The following RABGAP1L variants were observed in gnomAD, a reference collection of about 807,000 sequenced individuals.
RABGAP1L encodes the protein rab GTPase-activating protein 1-like.
Under a neutral mutation model 137.7 loss-of-function variants are expected in RABGAP1L, and 63 were observed. The ratio of observed to expected loss-of-function variants is 0.46; its 90% CI spans 0.37 to 0.56. The LOEUF is 0.56. Ranked by LOEUF, RABGAP1L falls within the 20% of genes least tolerant of loss-of-function variation. RABGAP1L has a pLI of 0.00. For missense variants in RABGAP1L, 1,095 were observed against 1,244.0 expected (o/e 0.88, Z 1.80); for synonymous variants, 431 against 433.7 (o/e 0.99, Z 0.08).
chr1:174,959,543 A>G (rs1668901303), intron 20 of RABGAP1L, among the ~76,000 whole-genome samples: 1 of 152,184 alleles, frequency 6.6e-6, no homozygotes, highest in Non-Finnish European at 1.5e-5. Flanking sequence ...ATCAATATGT[A>G]TAGTTTTTAT....
chr1:174,235,232 C>T (rs1225303106), intron 4 of RABGAP1L, among the ~76,000 whole-genome samples: 1 of 144,910 alleles, frequency 6.9e-6, no homozygotes, highest in Non-Finnish European at 1.5e-5. Flanking sequence ...ATTTGACTTC[C>T]TCTTTTCCTA....
In RABGAP1L at chr1:174,278,639, G is replaced by T. The variant is rs1675219906; in HGVS notation, c.1183G>T (p.Val395Leu). 1.2e-6 allele frequency: 2 copies of T among 1,613,040 alleles called. No individual in the cohort carries two copies. The highest frequency in any genetic ancestry group is 2.2e-5 in the South Asian group (2 of 91,006). ...KDKQVYMTVA[V>L]DMVVTEVVEP... is the part of the protein sequence containing the mutation. Reference sequence around the variant, plus strand: ...TAAGCAAGTATACATGACTGTGGCAGTGGATATGGTAGTCACAGAGGTGGT... The same window carrying T: ...TAAGCAAGTATACATGACTGTGGCATTGGATATGGTAGTCACAGAGGTGGT... The change falls in exon 10 of 26, where the codon GTG becomes TTG. Residue 395 changes from valine to leucine, a missense_variant. Physicochemically the swap from Val to Leu is conservative, Grantham distance 32. Around this residue, in one of 4 missense-constraint regions of RABGAP1L, gnomAD observed 112 missense variants for 157.3 expected, o/e 0.71. Transcript: ENST00000681986.
At chr1:174,168,425 T>A (rs1190253574) in intron 1 of RABGAP1L, among the ~76,000 whole-genome samples, 1 of 152,172 alleles carries the variant, frequency 6.6e-6, no homozygotes, top group Admixed American at 6.6e-5. Context: ...AGCAGCTGTT[T>A]TATCACCAGA....
chr1:174,295,620 G>GT (rs1329768342), intron 10 of RABGAP1L, among the ~76,000 whole-genome samples: 2 of 150,960 alleles, frequency 1.3e-5, no homozygotes, highest in Non-Finnish European at 3.0e-5. Context: ...TCCTGACATT[G>GT]TGATGCACCT....
chr1:174,519,933 T>C (rs528562720), intron 13 of RABGAP1L, among the ~76,000 whole-genome samples: 6 of 152,338 alleles, frequency 3.9e-5, no homozygotes, highest in Non-Finnish European at 7.3e-5. Context: ...AGCAGTTAAT[T>C]ATAGTAGTAC....
chr1:174,952,548 A>C lies in RABGAP1L; in HGVS notation c.2341-4909A>C, dbSNP rs115393915. On this transcript the variant is annotated intron_variant, in intron 19 of 25. Coordinates refer to ENST00000681986, the MANE Select transcript of RABGAP1L (RefSeq NM_001366446.1). ...ATGATGATTGAGTTTGATAATCAGG[A>C]AACTTAACCAAATCTTATATGTAAG... Among the ~76,000 whole-genome samples the C allele has an allele frequency of 9.5e-3, 1,441 of 152,034 alleles. 24 individuals carry two copies. The highest frequency in any genetic ancestry group is 0.033 in the African/African-American group (1,381 of 41,458).
chr1:174,773,049 T>C (rs1186378710), intron 18 of RABGAP1L, among the ~76,000 whole-genome samples: 2 of 152,266 alleles, frequency 1.3e-5, no homozygotes, highest in Non-Finnish European at 2.9e-5. Flanking sequence ...AAACTAAGAC[T>C]TATAAAAAGT....
intron 17 of RABGAP1L, among the ~76,000 whole-genome samples, chr1:174,711,601 C>G (rs926281119): frequency 2.6e-5 from 4 of 152,180 alleles, no homozygotes; most frequent in Non-Finnish European, 5.9e-5. Context: ...GCACCACGCT[C>G]GAATTCTCGC....
At chr1:174,434,108 TACACACACAC>T (rs35509787) in intron 13 of RABGAP1L, among the ~76,000 whole-genome samples, 4,401 of 134,118 alleles carry the variant, frequency 0.033, 204 homozygotes, top group African/African-American at 0.11. Flanking sequence ...CGTGTACACA[TACACACACAC>T]ACACACACAC....
intron 13 of RABGAP1L, among the ~76,000 whole-genome samples, chr1:174,584,434 A>C (rs932835495): frequency 6.6e-6 from 1 of 152,172 alleles, no homozygotes; most frequent in Non-Finnish European, 1.5e-5. Context: ...TGGCTAAGAA[A>C]TATCATTCTT....
At chr1:174,881,861 A>T (rs1056478382) in intron 19 of RABGAP1L, among the ~76,000 whole-genome samples, 7 of 151,730 alleles carry the variant, frequency 4.6e-5, no homozygotes, top group Non-Finnish European at 1.0e-4. Flanking sequence ...TTCATCAAAC[A>T]TTTTGTTTTT....
At chr1:174,699,915 G>A (rs1679520345) in intron 16 of RABGAP1L, among the ~76,000 whole-genome samples, 1 of 152,132 alleles carries the variant, frequency 6.6e-6, no homozygotes, top group Non-Finnish European at 1.5e-5. Flanking sequence ...TAATCATTAA[G>A]AGATTGCCAA....
At position 174,637,388 on chromosome 1, in the gene RABGAP1L, A is replaced by C; in HGVS notation, c.1724A>C (p.Glu575Ala). Residue 575 changes from glutamate (E) to alanine (A), a missense_variant, in exon 14 of 26, where the codon GAG becomes GCG. By Grantham distance (107) the Glu-to-Ala change is moderately radical. Around this residue, in one of 4 missense-constraint regions of RABGAP1L, gnomAD observed 315 missense variants for 324.8 expected, o/e 0.97. Coordinates refer to ENST00000681986, the MANE Select transcript of RABGAP1L (RefSeq NM_001366446.1). The stretch of plus-strand genomic sequence containing the variant: ...TTTCTTTTTTAGGACTCAGCCCAGG[A>C]GAGTGTTATTACTCGAGATATTCAT... The part of the protein sequence containing the change: ...RILITKDSAQ[E>A]SVITRDIHRT... The C allele has an allele frequency of 6.2e-7, 1 of 1,610,264 alleles. No individual in the cohort carries two copies. The highest frequency in any genetic ancestry group is 1.1e-5 in the South Asian group (1 of 90,996).
chr1:174,970,896 G>A (rs941590162), intron 21 of RABGAP1L, among the ~76,000 whole-genome samples: 1 of 151,912 alleles, frequency 6.6e-6, no homozygotes, highest in African/African-American at 2.4e-5. Flanking sequence ...TTGTTAATGG[G>A]AAAATAATGA....
intron 13 of RABGAP1L, among the ~76,000 whole-genome samples, chr1:174,576,451 C>T (rs1178548259): frequency 2.6e-5 from 4 of 152,182 alleles, no homozygotes; most frequent in Non-Finnish European, 5.9e-5. Context: ...ACCTCCCTGA[C>T]TGCACATCCA....
chr1:174,560,848 A>G (rs956149677), intron 13 of RABGAP1L, among the ~76,000 whole-genome samples: 1 of 152,204 alleles, frequency 6.6e-6, no homozygotes, highest in African/African-American at 2.4e-5. Flanking sequence ...TAATTTGCTT[A>G]GGATAATGGC....
chr1:174,172,426 T>C (rs976802329), intron 1 of RABGAP1L, among the ~76,000 whole-genome samples: 3 of 152,210 alleles, frequency 2.0e-5, no homozygotes, highest in African/African-American at 7.2e-5. Flanking sequence ...GGAACTTCTA[T>C]ACCATTTTCC....
intron 11 of RABGAP1L, among the ~76,000 whole-genome samples, chr1:174,341,803 G>A (rs948832521): frequency 2.0e-5 from 3 of 152,096 alleles, no homozygotes; most frequent in Non-Finnish European, 4.4e-5. Context: ...TTCAAAAGGA[G>A]AGAAATCTTA....
chr1:174,580,988 T>G lies in RABGAP1L; in HGVS notation c.1711-56387T>G, dbSNP rs142464560. On this transcript the variant is annotated intron_variant, in intron 13 of 25. Coordinates refer to ENST00000681986, the MANE Select transcript of RABGAP1L (RefSeq NM_001366446.1). Reference sequence around the variant, plus strand: ...ATGAAAACCACGATGAGATACCACTTCACACCCACTAATATGGCTGTAATC... The same window carrying G: ...ATGAAAACCACGATGAGATACCACTGCACACCCACTAATATGGCTGTAATC... Among the ~76,000 whole-genome samples the G allele has an allele frequency of 1.1e-3, 175 of 152,270 alleles. 1 individual carries two copies. The highest frequency in any genetic ancestry group is 4.1e-3 in the African/African-American group (171 of 41,556).
Sources: gnomAD v4.1 joint callset for allele counts (sites outside exome capture counted in the v4.1 genomes callset) on GRCh38, gnomAD v4.1.1 for gene constraint, gnomAD v4.1.1 regional missense constraint, MANE v1.5 for transcripts, NCBI Gene and HGNC (gene_info 2026-07-23, HGNC 2026-07-21) for gene names.